TNFRSF25: variants seen among roughly 807,000 people sequenced by gnomAD.
TNFRSF25 encodes tumor necrosis factor receptor superfamily member 25.
TNFRSF25 carries 28 observed loss-of-function variants against 49.4 expected under a neutral mutation model. That is an observed-to-expected ratio of 0.57 (90% CI 0.42 to 0.78). TNFRSF25 has a LOEUF of 0.78. Ranked by LOEUF, TNFRSF25 falls within the 30% of genes least tolerant of loss-of-function variation. The probability of loss-of-function intolerance (pLI) is 0.00; values close to 1 mark genes in which losing one functional copy is unlikely to be tolerated. For missense variants in TNFRSF25, 531 were observed against 581.6 expected (o/e 0.91, Z 0.90); for synonymous variants, 240 against 234.2 (o/e 1.02, Z -0.23).
chr1:6,465,614 C>G (rs1018568886), intron 1 of TNFRSF25, 54 bp from the exon 2 acceptor site: 2 of 1,576,114 alleles, frequency 1.3e-6, no homozygotes, highest in East Asian at 4.7e-5. Context: ...GGGGCCTCTC[C>G]CTGCTGCGTC....
chr1:6,465,191 G>T lies in TNFRSF25; in HGVS notation c.192C>A (p.Pro64=), dbSNP rs773571369. ...GHYLKAPCTE[P]CGNSTCLVCP... ...ACACAAGGCAGGTGGAGTTGCCGCA[G>T]GGCTCCGTGCAAGGGGCCTTCAGGT... The change falls in exon 3 of 10, where the codon CCC becomes CCA. Residue 64 remains proline, a synonymous_variant. Coordinates refer to ENST00000356876, the MANE Select transcript of TNFRSF25 (RefSeq NM_003790.3). 6 of 1,613,128 alleles carry T rather than the reference G, an allele frequency of 3.7e-6. No individual in the cohort carries two copies. Among genetic ancestry groups the T allele is most frequent in the Non-Finnish European group, 5.1e-6 (6 of 1,179,824 alleles).
At position 6,464,629 on chromosome 1, in the gene TNFRSF25, T is replaced by C; in HGVS notation, c.386A>G (p.Gln129Arg). 1.2e-6 allele frequency: 2 copies of C among 1,614,020 alleles called. No individual in the cohort carries two copies. The highest frequency in any genetic ancestry group is 1.7e-6 in the Non-Finnish European group (2 of 1,180,004). The change falls in exon 4 of 10, where the codon CAA (glutamine) becomes CGA (arginine). Residue 129 changes from glutamine (Q) to arginine (R), a missense_variant. Gln to Arg is a conservative substitution (Grantham distance 43). Coordinates refer to ENST00000356876, the MANE Select transcript of TNFRSF25 (RefSeq NM_003790.3). Reference protein sequence around the residue: ...PGWFVECQVSQCVSSSPFYCQ... With the variant: ...PGWFVECQVSRCVSSSPFYCQ... ...GTAGAAGGGTGAACTGCTGACACAT[T>C]GGCTGACCTGGCACTCCACAAACCA...
At position 6,462,423 on chromosome 1, in the gene TNFRSF25, C is replaced by T. The variant is rs1221585361; in HGVS notation, c.744+206G>A. On this transcript the variant is annotated intron_variant, in intron 8 of 9. Coordinates refer to ENST00000356876, the MANE Select transcript of TNFRSF25 (RefSeq NM_003790.3). This position sits in a 1 kb window ranked among gnomAD's most constrained non-coding sequence, Gnocchi z 4.2. ...CTCTCCTTCCATTGAACTGTTAGCT[C>T]CTGTGTACGAATCTGAACTCCAGCT... 73 of 1,314,242 alleles carry T rather than the reference C, an allele frequency of 5.6e-5. No individual in the cohort carries two copies. The highest frequency in any genetic ancestry group is 7.2e-5 in the Non-Finnish European group (71 of 984,164). The allele number at this position is 1,314,242 out of a possible 1,614,324, so 81.4% of individuals were successfully genotyped here.
chr1:6,464,823 C>T (rs1342697674), intron 3 of TNFRSF25, 104 bp from the exon 4 acceptor site: 10 of 1,410,720 alleles, frequency 7.1e-6, no homozygotes, highest in Admixed American at 2.0e-5. Context: ...CAGAAATAGG[C>T]GAAAGACAGA....
Position 6,462,068 on chromosome 1 carries a change from C to G in TNFRSF25, c.851G>C (p.Gly284Ala), listed in dbSNP as rs768107767. The stretch of plus-strand genomic sequence containing the variant: ...GAGCGCCTCCTGGGTCTCGGGGTAG[C>G]CAGGGGTCCAGCTGTTACCCACCAA... Reference protein sequence around the residue: ...VQLVGNSWTPGYPETQEALCP... With the variant: ...VQLVGNSWTPAYPETQEALCP... Residue 284 changes from glycine (G) to alanine (A), a missense_variant, in exon 9 of 10, where the codon GGC (glycine) becomes GCC (alanine). Physicochemically the swap from Gly to Ala is moderately conservative, Grantham distance 60. Coordinates refer to ENST00000356876, the MANE Select transcript of TNFRSF25 (RefSeq NM_003790.3). The surrounding 1 kb of genome is among the most constrained non-coding windows in gnomAD (Gnocchi z 4.2). 1.2e-6 allele frequency: 2 copies of G among 1,613,690 alleles called. No individual in the cohort carries two copies. The highest frequency in any genetic ancestry group is 2.7e-5 in the African/African-American group (2 of 74,890).
Position 6,461,697 on chromosome 1 carries a change from G to C in TNFRSF25, c.991C>G (p.Pro331Ala). Reference protein sequence around the residue: ...PAGSPAMMLQPGPQLYDVMDA... With the variant: ...PAGSPAMMLQAGPQLYDVMDA... Reference sequence around the variant, plus strand: ...ATCACGTCGTAGAGCTGCGGGCCCGGCTGCAGCATCATGGCTGGCGAGCCG... The same window carrying C: ...ATCACGTCGTAGAGCTGCGGGCCCGCCTGCAGCATCATGGCTGGCGAGCCG... The change falls in exon 10 of 10, where the codon CCG becomes GCG. Residue 331 changes from proline to alanine, a missense_variant. Coordinates refer to ENST00000356876, the MANE Select transcript of TNFRSF25 (RefSeq NM_003790.3). This position sits in a 1 kb window ranked among gnomAD's most constrained non-coding sequence, Gnocchi z 6.3. 1 of 1,575,184 alleles carries C rather than the reference G, an allele frequency of 6.3e-7. No individual in the cohort carries two copies. Among genetic ancestry groups the C allele is most frequent in the African/African-American group, 1.3e-5 (1 of 74,404 alleles).
At position 6,461,171 on chromosome 1, in the gene TNFRSF25, C is replaced by G. The variant is rs779833543; in HGVS notation, c.*263G>C. 2.7e-5 allele frequency: 19 copies of G among 695,492 alleles called. No homozygotes were observed. The highest frequency in any genetic ancestry group is 2.3e-4 in the Middle Eastern group (1 of 4,286). 43.1% of individuals were successfully genotyped at this position (695,492 alleles called of 1,614,324 possible). A position where few individuals can be genotyped will look rare whatever the true frequency, so the allele number is the denominator to read the frequency against. On this transcript the variant is annotated 3_prime_UTR_variant, in exon 10 of 10. Coordinates refer to ENST00000356876, the MANE Select transcript of TNFRSF25 (RefSeq NM_003790.3). This position sits in a 1 kb window ranked among gnomAD's most constrained non-coding sequence, Gnocchi z 6.3. ...AGCCGTTTTTGTTTTGTTTTGTTTT[C>G]TTTCACAGATTTAATACCGCGATCT...
Position 6,461,513 on chromosome 1 carries a change from G to A in TNFRSF25, c.1175C>T (p.Ala392Val). ...WRQQQPAGLG[A>V]VYAALERMGL... is the part of the protein sequence containing the mutation. ...CATGCGCTCCAGGGCCGCGTAAACG[G>A]CTCCGAGGCCCGCGGGCTGCTGCTG... Residue 392 changes from alanine to valine, a missense_variant, in exon 10 of 10, where the codon GCC becomes GTC. Coordinates refer to ENST00000356876, the MANE Select transcript of TNFRSF25 (RefSeq NM_003790.3). The surrounding 1 kb of genome is among the most constrained non-coding windows in gnomAD (Gnocchi z 6.3). 1 of 1,600,702 alleles carries A rather than the reference G, an allele frequency of 6.2e-7. No individual in the cohort carries two copies.
intron 5 of TNFRSF25, 47 bp downstream of exon 5, chr1:6,464,328 C>A: frequency 6.4e-7 from 1 of 1,568,548 alleles, no homozygotes. Flanking sequence ...GGCCCCTGCT[C>A]TGCTCCCAGC....
intron 1 of TNFRSF25, chr1:6,465,774 A>C: frequency 1.4e-6 from 2 of 1,427,552 alleles, no homozygotes; most frequent in Non-Finnish European, 1.8e-6. Context: ...CCAGCCCCTC[A>C]CAAGTTTCCC....
In TNFRSF25 at chr1:6,462,082, G is replaced by A. The variant is rs1285190569; in HGVS notation, c.837C>T (p.Asn279=). ...TCTCGGGGTAGCCAGGGGTCCAGCT[G>A]TTACCCACCAACTGGACGGTGCAGA... ...EKICTVQLVG[N]SWTPGYPETQ... Residue 279 remains asparagine (N), a synonymous_variant, in exon 9 of 10, where the codon AAC becomes AAT. Transcript: ENST00000356876. The surrounding 1 kb of genome is among the most constrained non-coding windows in gnomAD (Gnocchi z 4.2). 6.2e-7 allele frequency: 1 copy of A among 1,613,970 alleles called. No individual in the cohort carries two copies. The highest frequency in any genetic ancestry group is 2.2e-5 in the East Asian group (1 of 44,876).
intron 5 of TNFRSF25, chr1:6,464,019 C>T: frequency 3.4e-5 from 26 of 758,256 alleles, no homozygotes; most frequent in Non-Finnish European, 4.0e-5. Flanking sequence ...GGCTGAAGTG[C>T]AGTGGCACGA....
chr1:6,462,452 T>TG lies in TNFRSF25; in HGVS notation c.744+176dup, dbSNP rs1428063921. On this transcript the variant is annotated intron_variant, in intron 8 of 9. Transcript: ENST00000356876. The surrounding 1 kb of genome is among the most constrained non-coding windows in gnomAD (Gnocchi z 4.2). Reference sequence around the variant, plus strand: ...TGTACGAATCTGAACTCCAGCTGACTGAGCACCCCTTGAGGGCAGGCACTG... The same window carrying TG: ...TGTACGAATCTGAACTCCAGCTGACTGGAGCACCCCTTGAGGGCAGGCACTG... The TG allele has an allele frequency of 3.4e-5, 49 of 1,436,380 alleles. No homozygotes were observed. The highest frequency in any genetic ancestry group is 2.4e-5 in the Non-Finnish European group (26 of 1,084,520). The allele number at this position is 1,436,380 out of a possible 1,614,324, so 89.0% of individuals were successfully genotyped here.
chr1:6,465,895 T>G, intron 1 of TNFRSF25, 174 bp downstream of exon 1: 1 of 1,418,194 alleles, frequency 7.1e-7, no homozygotes, highest in African/African-American at 1.5e-5. Flanking sequence ...CTGGGAGGGG[T>G]TTCCTCTCAG....
At chr1:6,463,344 C>T in intron 5 of TNFRSF25, 1 of 603,804 alleles carries the variant, frequency 1.7e-6, no homozygotes, top group Non-Finnish European at 2.9e-6. Context: ...AATGTCAACC[C>T]CAAAAGGACA....
Position 6,466,083 on chromosome 1 carries a change from C to T in TNFRSF25, c.25G>A (p.Ala9Thr). Residue 9 changes from alanine (A) to threonine (T), a missense_variant, in exon 1 of 10, where the codon GCG becomes ACG. Physicochemically the swap from Ala to Thr is moderately conservative, Grantham distance 58. Transcript: ENST00000356876. ...TCTCAACTCACCGCCGCCACCGCCG[C>T]GCAGCCCCGCGGCCGCTGCTCCATA... The part of the protein sequence containing the change: MEQRPRGC[A>T]AVAAALLLVL... The T allele has an allele frequency of 6.3e-7, 1 of 1,576,640 alleles. No individual in the cohort carries two copies. Among genetic ancestry groups the T allele is most frequent in the South Asian group, 1.1e-5 (1 of 87,278 alleles).
chr1:6,463,262 T>C, intron 5 of TNFRSF25, 135 bp from the exon 6 acceptor site: 2 of 827,022 alleles, frequency 2.4e-6, no homozygotes, highest in Non-Finnish European at 3.8e-6. Flanking sequence ...AATGTTCCTG[T>C]CATTGTGTCC....
chr1:6,461,510 A>G lies in TNFRSF25; in HGVS notation c.1178T>C (p.Val393Ala). ...RQQQPAGLGA[V>A]YAALERMGLD... ...CCCCATGCGCTCCAGGGCCGCGTAA[A>G]CGGCTCCGAGGCCCGCGGGCTGCTG... Residue 393 changes from valine (V) to alanine (A), a missense_variant, in exon 10 of 10, where the codon GTT becomes GCT. Val to Ala is a moderately conservative substitution (Grantham distance 64). Transcript: ENST00000356876. The surrounding 1 kb of genome is among the most constrained non-coding windows in gnomAD (Gnocchi z 6.3). The G allele has an allele frequency of 6.3e-7, 1 of 1,599,554 alleles. No homozygotes were observed. Among genetic ancestry groups the G allele is most frequent in the Non-Finnish European group, 8.5e-7 (1 of 1,175,724 alleles).
intron 1 of TNFRSF25, chr1:6,465,793 G>C (rs990815634): frequency 6.3e-6 from 9 of 1,426,750 alleles, no homozygotes; most frequent in Non-Finnish European, 6.4e-6. Context: ...CCCTCCACCA[G>C]AGCAGGAATC....
Sources: allele counts gnomAD v4.1 joint callset, GRCh38; gene constraint gnomAD v4.1.1; non-coding constraint Gnocchi (gnomAD v3.1); transcripts MANE v1.5; gene names NCBI Gene and HGNC (gene_info 2026-07-23, HGNC 2026-07-21).